Variants in GRIK4 observed in about 807,000 individuals in gnomAD.
GRIK4 encodes the protein glutamate ionotropic receptor kainate type subunit 4.
A neutral mutation model predicts 104.9 loss-of-function variants in GRIK4; 40 were observed. The observed-to-expected ratio is 0.38, with a 90% CI of 0.30 to 0.50. The LOEUF is 0.50. Ranked by LOEUF, GRIK4 falls within the 20% of genes least tolerant of loss-of-function variation. The probability of loss-of-function intolerance (pLI) is 0.93; values close to 1 mark genes in which losing one functional copy is unlikely to be tolerated. For missense variants in GRIK4, 1,047 were observed against 1,308.1 expected (o/e 0.80, Z 3.08); for synonymous variants, 485 against 524.9 (o/e 0.92, Z 1.04).
chr11:120,663,875 C>T (rs193223790), intron 3 of GRIK4, among the ~76,000 whole-genome samples: 19 of 152,294 alleles, frequency 1.2e-4, no homozygotes, highest in Admixed American at 6.5e-4. Context: ...AGTCCTTTCC[C>T]GTTATCATCC....
intron 3 of GRIK4, among the ~76,000 whole-genome samples, chr11:120,753,615 T>C (rs1167397722): frequency 6.6e-6 from 1 of 152,144 alleles, no homozygotes; most frequent in Non-Finnish European, 1.5e-5. Context: ...CAGTCATCAT[T>C]TTCAATTCAA....
At chr11:120,660,498 G>GC in intron 3 of GRIK4, 98 bp downstream of exon 3, 1 of 880,284 alleles carries the variant, frequency 1.1e-6, no homozygotes, top group East Asian at 2.6e-5. Flanking sequence ...AAGCTGCCCA[G>GC]CCCGTGCACT....
intron 12 of GRIK4, 90 bp downstream of exon 12, chr11:120,898,729 T>C (rs1204996977): frequency 2.7e-6 from 2 of 738,796 alleles, no homozygotes; most frequent in African/African-American, 3.5e-5. Context: ...GAACAGAAGA[T>C]GGGAGCTCTA....
chr11:120,831,426 G>C (rs778992912), intron 6 of GRIK4, among the ~76,000 whole-genome samples: 1 of 152,300 alleles, frequency 6.6e-6, no homozygotes, highest in South Asian at 2.1e-4. Context: ...TGAGGAAACT[G>C]AGGCCAAGAC....
chr11:120,678,082 T>C lies in GRIK4; in HGVS notation c.82+17682T>C, dbSNP rs563233409. Among the ~76,000 whole-genome samples the C allele has an allele frequency of 4.3e-3, 651 of 152,294 alleles. 6 individuals are homozygous for C. The highest frequency in any genetic ancestry group is 0.015 in the African/African-American group (623 of 41,564). ...TCTATTACACTAGACTCCTCCCTGC[T>C]GTGCTCCCCTCTGCAGAGACCCCGA... On this transcript the variant is annotated intron_variant, in intron 3 of 20. Transcript: ENST00000527524.
chr11:120,673,015 G>GGTAT (rs1950045398), intron 3 of GRIK4, among the ~76,000 whole-genome samples: 1 of 152,118 alleles, frequency 6.6e-6, no homozygotes, highest in Non-Finnish European at 1.5e-5. Context: ...GTTTTCAAAG[G>GGTAT]GTATGCTCCC....
Position 120,902,885 on chromosome 11 carries a change from TC to T in GRIK4, c.1273-2403del, listed in dbSNP as rs1317993049. On this transcript the variant is annotated intron_variant, in intron 12 of 20. Transcript: ENST00000527524. This position sits in a 1 kb window ranked among gnomAD's most constrained non-coding sequence, Gnocchi z 4.5. ...CGTGTGTGGAAGGCAGGCTGACCGT[TC>T]CTATCTCATTGACGTGACAGTGGAC... is the stretch of plus-strand genomic sequence containing the variant. Among the ~76,000 whole-genome samples the T allele has an allele frequency of 1.3e-5, 2 of 152,034 alleles. No individual in the cohort carries two copies. Among genetic ancestry groups the T allele is most frequent in the Non-Finnish European group, 2.9e-5 (2 of 68,000 alleles).
In GRIK4 at chr11:120,873,844, C is replaced by T. The variant is rs540770982; in HGVS notation, c.907-222C>T. On this transcript the variant is annotated intron_variant, in intron 9 of 20. Coordinates refer to ENST00000527524, the MANE Select transcript of GRIK4 (RefSeq NM_014619.5). ...GCACAAGGCTTCAATCCCAGAGAAT[C>T]CTTTGCCACCATTGTGTGTCTTGGG... 2.2e-4 allele frequency: 107 copies of T among 483,256 alleles called. No individual in the cohort carries two copies. The East Asian group carries it at 3.5e-3, about 16-fold the overall frequency. 29.9% of individuals were successfully genotyped at this position (483,256 alleles called of 1,614,324 possible).
In GRIK4 at chr11:120,953,614, G is replaced by A. The variant is rs520332; in HGVS notation, c.1700+650G>A. ...GAGACGCACGGGCCAGACCAGGGAGGGGGGAGAATAAGCCCTGCCCTATCC... is the reference window on the plus strand; with the variant it reads ...GAGACGCACGGGCCAGACCAGGGAGAGGGGAGAATAAGCCCTGCCCTATCC... On this transcript the variant is annotated intron_variant, in intron 15 of 20. Transcript: ENST00000527524. The surrounding 1 kb of genome is among the most constrained non-coding windows in gnomAD (Gnocchi z 4.9). Among the ~76,000 whole-genome samples the A allele has an allele frequency of 2.5e-4, 38 of 152,214 alleles. No individual in the cohort carries two copies. Among genetic ancestry groups the A allele is most frequent in the African/African-American group, 6.7e-4 (28 of 41,530 alleles).
intron 1 of GRIK4, among the ~76,000 whole-genome samples, chr11:120,519,877 T>TTTTTTTTTTTTTTTTTTG (rs1947775386): frequency 9.4e-6 from 1 of 106,574 alleles, no homozygotes; most frequent in Non-Finnish European, 1.9e-5. Context: ...TTTTTTTTTT[T>TTTTTTTTTTTTTTTTTTG]TTGTTTTTTT....
intron 1 of GRIK4, among the ~76,000 whole-genome samples, chr11:120,579,389 G>T (rs148289217): frequency 6.6e-6 from 1 of 152,162 alleles, no homozygotes. Context: ...GGAACAAGGC[G>T]GTAGCAAGGT....
chr11:120,631,630 G>T (rs1949334819), intron 1 of GRIK4, among the ~76,000 whole-genome samples: 1 of 152,174 alleles, frequency 6.6e-6, no homozygotes, highest in Non-Finnish European at 1.5e-5. Context: ...GGGCAATGAG[G>T]TCAGGAGAGT....
At chr11:120,629,828 G>A (rs1249437436) in intron 1 of GRIK4, among the ~76,000 whole-genome samples, 2 of 152,204 alleles carry the variant, frequency 1.3e-5, no homozygotes, top group Non-Finnish European at 2.9e-5. Context: ...TGCCCTCAGA[G>A]GCATCTGCCC....
At chr11:120,951,932 A>C (rs556969120) in intron 14 of GRIK4, among the ~76,000 whole-genome samples, 1 of 152,374 alleles carries the variant, frequency 6.6e-6, no homozygotes, top group South Asian at 2.1e-4. Context: ...GGCCGTATGC[A>C]TCCATAAGCC....
chr11:120,964,090 C>A (rs1430623659), intron 18 of GRIK4, among the ~76,000 whole-genome samples: 1 of 151,950 alleles, frequency 6.6e-6, no homozygotes, highest in Non-Finnish European at 1.5e-5. Flanking sequence ...CCTCCCACTT[C>A]AAGTGATTCT....
intron 11 of GRIK4, among the ~76,000 whole-genome samples, chr11:120,882,277 T>C (rs140315488): frequency 6.6e-6 from 1 of 152,332 alleles, no homozygotes; most frequent in Non-Finnish European, 1.5e-5. Context: ...GTACTGTGAT[T>C]GCTACTGTCT....
chr11:120,908,074 G>A (rs1942909065), intron 13 of GRIK4, among the ~76,000 whole-genome samples: 2 of 152,140 alleles, frequency 1.3e-5, no homozygotes, highest in Admixed American at 1.3e-4. Flanking sequence ...CCCATGTGAG[G>A]CCCTTGGGGC....
intron 3 of GRIK4, among the ~76,000 whole-genome samples, chr11:120,727,109 T>C (rs1261094876): frequency 1.3e-5 from 2 of 152,084 alleles, no homozygotes; most frequent in East Asian, 1.9e-4. Context: ...ATGGGCCAAT[T>C]TGAGGATAGG....
rs1273051827 is a variant in GRIK4 at position 120,524,034 on chromosome 11, C to G, written c.-159+12147C>G. 2.6e-5 allele frequency among the ~76,000 whole-genome samples: 4 copies of G among 151,876 alleles called. No individual in the cohort carries two copies. The highest frequency in any genetic ancestry group is 1.5e-5 in the Non-Finnish European group (1 of 67,996). On this transcript the variant is annotated intron_variant, in intron 1 of 20. Coordinates refer to ENST00000527524, the MANE Select transcript of GRIK4 (RefSeq NM_014619.5). This position sits in a 1 kb window ranked among gnomAD's most constrained non-coding sequence, Gnocchi z 4.5. ...CTCCGCCTCCCAGGTTCAAGTGATT[C>G]CCCTGCCTCAGCCTCCCGAGTAGCT...
Sources: gnomAD v4.1 joint callset for allele counts (sites outside exome capture counted in the v4.1 genomes callset) on GRCh38, gnomAD v4.1.1 for gene constraint, Gnocchi (gnomAD v3.1) non-coding constraint, MANE v1.5 for transcripts, NCBI Gene and HGNC (gene_info 2026-07-23, HGNC 2026-07-21) for gene names.